The following ZYG11A variants were observed in gnomAD, a reference collection of about 807,000 sequenced individuals.
ZYG11A encodes zyg-11 family member A, cell cycle regulator, also known as protein zyg-11 homolog A.
Under a neutral mutation model 77.2 loss-of-function variants are expected in ZYG11A, and 62 were observed. That is an observed-to-expected ratio of 0.80 (90% CI 0.65 to 0.99). The LOEUF is 0.99. ZYG11A is among the 50% of genes least tolerant of loss of function. The pLI is 0.00. For missense variants in ZYG11A, 828 were observed against 896.8 expected (o/e 0.92, Z 0.98); for synonymous variants, 315 against 324.6 (o/e 0.97, Z 0.32).
intron 8 of ZYG11A, among the ~76,000 whole-genome samples, chr1:52,869,973 C>CCA (rs1400310475): frequency 6.7e-6 from 1 of 149,562 alleles, no homozygotes; most frequent in African/African-American, 2.5e-5. Flanking sequence ...GACCCCCCCC[C>CCA]ACCCCCCTCC....
In ZYG11A at chr1:52,877,810, T is replaced by C. The variant is rs1646288288; in HGVS notation, c.1671T>C (p.Asn557=). The change falls in exon 9 of 14, where the codon AAT becomes AAC. Residue 557 remains asparagine, a synonymous_variant. Transcript: ENST00000371528. The part of the protein sequence containing the change: ...SPAACKHFIE[N]QGLQIFIQVL... ...CTGCCTGCAAGCACTTCATTGAAAA[T>C]CAAGGATTGCAAATCTTCATCCAAG... 1 of 1,551,492 alleles carries C rather than the reference T, an allele frequency of 6.4e-7. No homozygotes were observed. The highest frequency in any genetic ancestry group is 2.0e-5 in the Admixed American group (1 of 50,952).
Position 52,857,284 on chromosome 1 carries a change from T to G in ZYG11A, c.543T>G (p.Thr181=), listed in dbSNP as rs1645831116. 1 of 1,552,030 alleles carries G rather than the reference T, an allele frequency of 6.4e-7. No individual in the cohort carries two copies. Among genetic ancestry groups the G allele is most frequent in the African/African-American group, 1.4e-5 (1 of 73,066 alleles). The change falls in exon 3 of 14, where the codon ACT becomes ACG. Residue 181 remains threonine (T), a synonymous_variant. Coordinates refer to ENST00000371528, the MANE Select transcript of ZYG11A (RefSeq NM_001004339.3). ...GATTACTGTTCTTTAGTCAGCTCACTGGTCTTCGCATTTTAAGTGTTTTTA... is the reference window on the plus strand; with the variant it reads ...GATTACTGTTCTTTAGTCAGCTCACGGGTCTTCGCATTTTAAGTGTTTTTA... ...NSRLLFFSQL[T]GLRILSVFNV...
At chr1:52,854,166 C>A (rs1234266352) in intron 1 of ZYG11A, among the ~76,000 whole-genome samples, 1 of 152,012 alleles carries the variant, frequency 6.6e-6, no homozygotes, top group Admixed American at 6.6e-5. Flanking sequence ...TATATGCAAA[C>A]CTTACACCAT....
intron 12 of ZYG11A, among the ~76,000 whole-genome samples, chr1:52,886,234 G>A (rs1386780240): frequency 6.6e-6 from 1 of 152,092 alleles, no homozygotes; most frequent in African/African-American, 2.4e-5. Flanking sequence ...GCCTGGCCCA[G>A]TGTTGAGCTT....
chr1:52,845,850 T>G (rs971519872), intron 1 of ZYG11A, among the ~76,000 whole-genome samples: 1 of 151,546 alleles, frequency 6.6e-6, no homozygotes, highest in Admixed American at 6.6e-5. Context: ...CTGTTTTTTA[T>G]TTTTTGTAGA....
In ZYG11A at chr1:52,893,112, A is replaced by G. The variant is rs1646573314; in HGVS notation, c.*155A>G. 8.6e-6 allele frequency: 6 copies of G among 694,654 alleles called. No homozygotes were observed. Among genetic ancestry groups the G allele is most frequent in the Admixed American group, 6.2e-5 (2 of 32,340 alleles). The allele number at this position is 694,654 out of a possible 1,614,324, so 43.0% of individuals were successfully genotyped here. On this transcript the variant is annotated 3_prime_UTR_variant, in exon 14 of 14. Transcript: ENST00000371528. ...ATATGTTACAAAAGGTTGGATTTGTATGATAGCTGTAATCCCAAGTCAAGT... is the reference window on the plus strand; with the variant it reads ...ATATGTTACAAAAGGTTGGATTTGTGTGATAGCTGTAATCCCAAGTCAAGT...
At chr1:52,859,660 G>GTATACTTATACTA (rs71044431) in intron 3 of ZYG11A, among the ~76,000 whole-genome samples, 2 of 115,460 alleles carry the variant, frequency 1.7e-5, no homozygotes, top group African/African-American at 6.7e-5. Context: ...ATCTGTTTGT[G>GTATACTTATACTA]TATTGCCTTT....
chr1:52,846,842 T>C (rs940658875), intron 1 of ZYG11A, among the ~76,000 whole-genome samples: 1 of 150,940 alleles, frequency 6.6e-6, no homozygotes, highest in Admixed American at 6.6e-5. Context: ...GGCTTTAAAA[T>C]TACATTTTTG....
intron 1 of ZYG11A, among the ~76,000 whole-genome samples, chr1:52,847,856 ATTTATTTATTTATTTATTTATTTATTT>A (rs1423979991): frequency 2.0e-4 from 18 of 89,736 alleles, no homozygotes; most frequent in African/African-American, 6.1e-4. Context: ...TTATTTATTT[ATTTATTTATTTATTTATTTATTTATTT>A]TTTTGAGATG....
At chr1:52,867,909 A>T in intron 8 of ZYG11A, 132 bp downstream of exon 8, 6 of 675,842 alleles carry the variant, frequency 8.9e-6, no homozygotes, top group Admixed American at 3.2e-5. Context: ...TCCCCAGAAG[A>T]AACTTTCTAA....
At chr1:52,863,138 A>C (rs926690216) in intron 4 of ZYG11A, among the ~76,000 whole-genome samples, 1 of 146,090 alleles carries the variant, frequency 6.8e-6, no homozygotes, top group Admixed American at 6.7e-5. Context: ...AGCAATATAC[A>C]AAAAAAAAGT....
At position 52,842,967 on chromosome 1, in the gene ZYG11A, G is replaced by T; in HGVS notation, c.84G>T (p.Val28=). ...DAQKDALGCC[V]VQEEASPYTL... Reference sequence around the variant, plus strand: ...AGAAGGATGCCCTGGGCTGCTGCGTGGTACAGGTGAGCACCGGGGTGCGGG... The same window carrying T: ...AGAAGGATGCCCTGGGCTGCTGCGTTGTACAGGTGAGCACCGGGGTGCGGG... Residue 28 remains valine (V), a synonymous_variant, in exon 1 of 14, where the codon GTG becomes GTT. Transcript: ENST00000371528. 2.0e-6 allele frequency: 3 copies of T among 1,522,078 alleles called. No homozygotes were observed. Among genetic ancestry groups the T allele is most frequent in the Non-Finnish European group, 1.8e-6 (2 of 1,134,966 alleles). 94.3% of individuals were successfully genotyped at this position (1,522,078 alleles called of 1,614,324 possible). A position where few individuals can be genotyped will look rare whatever the true frequency, so the allele number is the denominator to read the frequency against.
Position 52,857,236 on chromosome 1 carries a change from G to A in ZYG11A, c.495G>A (p.Ser165=), listed in dbSNP as rs1460555309. Residue 165 remains serine (S), a synonymous_variant, in exon 3 of 14, where the codon TCG becomes TCA. Transcript: ENST00000371528. ...QQNLQCLLLD[S]TSIPQNSRLL... is the part of the protein sequence containing the mutation. ...ACCTCCAGTGTCTCCTGTTAGACTC[G>A]ACAAGCATCCCTCAAAATTCAAGAT... 7.1e-6 allele frequency: 11 copies of A among 1,552,078 alleles called. No homozygotes were observed. In the Admixed American group the frequency reaches 7.8e-5, roughly 11 times the overall value.
At chr1:52,844,489 C>A (rs895722466) in intron 1 of ZYG11A, among the ~76,000 whole-genome samples, 5 of 152,136 alleles carry the variant, frequency 3.3e-5, no homozygotes, top group African/African-American at 1.2e-4. Context: ...GGGTATATCT[C>A]ATTTTCTTTG....
intron 13 of ZYG11A, among the ~76,000 whole-genome samples, chr1:52,890,346 T>C (rs1403254992): frequency 7.3e-6 from 1 of 137,122 alleles, no homozygotes; most frequent in Non-Finnish European, 1.5e-5. Flanking sequence ...GGGGTTCCCC[T>C]GCCTCAGCCT....
Position 52,858,121 on chromosome 1 carries a change from G to A in ZYG11A, c.1008+372G>A, listed in dbSNP as rs192585562. ...AATATAATATTAAGATACAGGCTGG[G>A]CATGGTGGCTCACACCTGTAATCCC... On this transcript the variant is annotated intron_variant, in intron 3 of 13. Coordinates refer to ENST00000371528, the MANE Select transcript of ZYG11A (RefSeq NM_001004339.3). 4.6e-3 allele frequency among the ~76,000 whole-genome samples: 701 copies of A among 150,754 alleles called. 7 individuals are homozygous for A. Among genetic ancestry groups the A allele is most frequent in the African/African-American group, 0.016 (679 of 41,208 alleles).
intron 5 of ZYG11A, among the ~76,000 whole-genome samples, chr1:52,865,712 A>ATTTT (rs1646012194): frequency 6.6e-6 from 1 of 152,200 alleles, no homozygotes; most frequent in Non-Finnish European, 1.5e-5. Flanking sequence ...CAAACTCAAA[A>ATTTT]GAGCAGAAGT....
At chr1:52,861,574 C>T (rs1390303338) in intron 4 of ZYG11A, among the ~76,000 whole-genome samples, 1 of 151,986 alleles carries the variant, frequency 6.6e-6, no homozygotes, top group Non-Finnish European at 1.5e-5. Flanking sequence ...CGTGGTGGCG[C>T]ACTCCTATAG....
chr1:52,842,774 C>T lies in ZYG11A; in HGVS notation c.-110C>T, dbSNP rs990794789. 4 of 1,038,128 alleles carry T rather than the reference C, an allele frequency of 3.9e-6. No individual in the cohort carries two copies. The highest frequency in any genetic ancestry group is 1.5e-5 in the South Asian group (1 of 67,376). The allele number at this position is 1,038,128 out of a possible 1,614,324, so 64.3% of individuals were successfully genotyped here. A position where few individuals can be genotyped will look rare whatever the true frequency, so the allele number is the denominator to read the frequency against. On this transcript the variant is annotated 5_prime_UTR_variant, in exon 1 of 14. Coordinates refer to ENST00000371528, the MANE Select transcript of ZYG11A (RefSeq NM_001004339.3). ...CAGGGCGCGGCGCTAGCTCCGTGTG[C>T]CTCGCAGGCGTGGTGGGCGCGTCCT...
Sources: allele counts gnomAD v4.1 joint callset (sites outside exome capture counted in the v4.1 genomes callset), GRCh38; gene constraint gnomAD v4.1.1; transcripts MANE v1.5; gene names NCBI Gene and HGNC (gene_info 2026-07-23, HGNC 2026-07-21).